Variants in WWTR1 observed in about 807,000 individuals in gnomAD.
WWTR1 encodes the protein WW domain containing transcription regulator 1, also known as WW domain-containing transcription regulator protein 1.
In WWTR1, 13 loss-of-function variants were observed where a neutral mutation model predicts 40.1. The ratio of observed to expected loss-of-function variants is 0.32; its 90% CI spans 0.21 to 0.52. The LOEUF (loss-of-function observed/expected upper bound fraction) is 0.52. WWTR1 is among the 20% of genes least tolerant of loss of function. WWTR1 has a pLI of 0.97. For synonymous variants in WWTR1, 230 were observed against 210.1 expected (o/e 1.09, Z -0.82); for missense variants, 436 against 523.1 (o/e 0.83, Z 1.63).
intron 2 of WWTR1, among the ~76,000 whole-genome samples, chr3:149,591,083 G>C (rs1738698093): frequency 6.6e-6 from 1 of 151,606 alleles, no homozygotes; most frequent in Admixed American, 6.6e-5. Context: ...AACAAATTAG[G>C]TCCATGTGAT....
At chr3:149,709,508 T>G (rs896822527) in intron 5 of WWTR1, among the ~76,000 whole-genome samples, 1 of 152,196 alleles carries the variant, frequency 6.6e-6, no homozygotes, top group Non-Finnish European at 1.5e-5. Context: ...CAGAGAACCA[T>G]CCATGCTAGG....
chr3:149,572,914 C>T lies in WWTR1; in HGVS notation c.518G>A (p.Ser173Asn). ...GGACCTCTGAGGCACTGGTGTGGAA[C>T]TGACGGCAGGGTGGAGGTTCATATG... The part of the protein sequence containing the change: ...LNHMNLHPAV[S>N]STPVPQRSMA... The change falls in exon 3 of 7, where the codon AGT becomes AAT. Residue 173 changes from serine (S) to asparagine (N), a missense_variant. By Grantham distance (46) the Ser-to-Asn change is conservative. Coordinates refer to ENST00000360632, the MANE Select transcript of WWTR1 (RefSeq NM_015472.6). The T allele has an allele frequency of 6.2e-7, 1 of 1,613,906 alleles. No homozygotes were observed. The highest frequency in any genetic ancestry group is 8.5e-7 in the Non-Finnish European group (1 of 1,179,976).
At chr3:149,689,380 C>CAAAAAAAAAAAAAAAAAAAAACAAAAAA in intron 1 of WWTR1, among the ~76,000 whole-genome samples, 1 of 36,696 alleles carries the variant, frequency 2.7e-5, no homozygotes, top group Non-Finnish European at 4.5e-5. Context: ...GAACCTATCT[C>CAAAAAAAAAAAAAAAAAAAAACAAAAAA]AAAAAAAAAA....
At position 149,652,091 on chromosome 3, in the gene WWTR1, C is replaced by T. The variant is rs375768628; in HGVS notation, c.431+4785G>A. 8.5e-3 allele frequency among the ~76,000 whole-genome samples: 1,274 copies of T among 150,728 alleles called. 14 individuals carry two copies. The highest frequency in any genetic ancestry group is 0.035 in the East Asian group (180 of 5,086). ...ATCTCCTGACCTCGTGATCCGCCCGCCTCGGCCTCCCAAAGTGCTGGGATT... is the reference window on the plus strand; with the variant it reads ...ATCTCCTGACCTCGTGATCCGCCCGTCTCGGCCTCCCAAAGTGCTGGGATT... On this transcript the variant is annotated intron_variant, in intron 2 of 6. Coordinates refer to ENST00000360632, the MANE Select transcript of WWTR1 (RefSeq NM_015472.6).
chr3:149,568,409 C>G (rs1324675785), intron 3 of WWTR1, among the ~76,000 whole-genome samples: 1 of 151,458 alleles, frequency 6.6e-6, no homozygotes, highest in Non-Finnish European at 1.5e-5. Flanking sequence ...GCTTAAAGGC[C>G]ATTACTCTGC....
chr3:149,688,807 A>G (rs1714730747), intron 1 of WWTR1, among the ~76,000 whole-genome samples: 1 of 152,252 alleles, frequency 6.6e-6, no homozygotes, highest in South Asian at 2.1e-4. Flanking sequence ...ATAAGAAACC[A>G]GTAACCAATC....
Position 149,521,446 on chromosome 3 carries a change from T to C in WWTR1, c.1019-457A>G, listed in dbSNP as rs368374447. ...AAAAAGTTGTCTTCATTGATGACTT[T>C]AGGCATCATTTATAAAGGCAGTTCT... is the stretch of plus-strand genomic sequence containing the variant. On this transcript the variant is annotated intron_variant, in intron 6 of 6. Coordinates refer to ENST00000360632, the MANE Select transcript of WWTR1 (RefSeq NM_015472.6). Among the ~76,000 whole-genome samples, 4 of 152,362 alleles carry C rather than the reference T, an allele frequency of 2.6e-5. No homozygotes were observed. In the South Asian group the frequency reaches 8.3e-4, roughly 32 times the overall value.
intron 2 of WWTR1, among the ~76,000 whole-genome samples, chr3:149,618,382 G>T (rs1031633979): frequency 2.0e-5 from 3 of 152,118 alleles, no homozygotes; most frequent in Non-Finnish European, 4.4e-5. Context: ...AACATCTCTC[G>T]AGCATCCATC....
rs969772751 is a variant in WWTR1, at chr3:149,541,161, A to C, written c.771+1174T>G. The C allele has an allele frequency of 1.0e-5, 4 of 392,102 alleles. No individual in the cohort carries two copies. In the East Asian group the frequency reaches 2.2e-4, roughly 22 times the overall value. 24.3% of individuals were successfully genotyped at this position (392,102 alleles called of 1,614,324 possible). A position where few individuals can be genotyped will look rare whatever the true frequency, so the allele number is the denominator to read the frequency against. On this transcript the variant is annotated intron_variant, in intron 4 of 6. Coordinates refer to ENST00000360632, the MANE Select transcript of WWTR1 (RefSeq NM_015472.6). The stretch of plus-strand genomic sequence containing the variant: ...AAAACAAAGTCTGAAAAGTTAAAAC[A>C]ATAAACTGAAGCTTTTCTCCCCAAA...
intron 1 of WWTR1, chr3:149,669,985 A>G (rs1714003768): frequency 6.6e-6 from 1 of 152,260 alleles, no homozygotes; most frequent in South Asian, 2.1e-4. Context: ...GGAGGGTAGG[A>G]AGGAGGGCTG....
At chr3:149,592,039 A>G (rs1560075441) in intron 2 of WWTR1, among the ~76,000 whole-genome samples, 1 of 152,200 alleles carries the variant, frequency 6.6e-6, no homozygotes, top group Admixed American at 6.5e-5. Context: ...CCAGACTGTG[A>G]GGAGACACAG....
At chr3:149,526,709 A>T (rs1416818211) in intron 5 of WWTR1, among the ~76,000 whole-genome samples, 1 of 152,262 alleles carries the variant, frequency 6.6e-6, no homozygotes, top group Non-Finnish European at 1.5e-5. Context: ...ATACTTTAAA[A>T]TCAACAATTT....
At chr3:149,546,274 G>T (rs1736360510) in intron 3 of WWTR1, among the ~76,000 whole-genome samples, 1 of 152,228 alleles carries the variant, frequency 6.6e-6, no homozygotes, top group Non-Finnish European at 1.5e-5. Flanking sequence ...TCAAAGTAAA[G>T]CACATATCAA....
intron 2 of WWTR1, among the ~76,000 whole-genome samples, chr3:149,635,331 T>C (rs1417983466): frequency 2.0e-5 from 3 of 152,218 alleles, no homozygotes; most frequent in Non-Finnish European, 4.4e-5. Flanking sequence ...ATTAGGTCTT[T>C]GAGATGAGGT....
At chr3:149,621,893 A>T (rs1429354387) in intron 2 of WWTR1, among the ~76,000 whole-genome samples, 1 of 152,218 alleles carries the variant, frequency 6.6e-6, no homozygotes, top group South Asian at 2.1e-4. Context: ...CTTTGCCACC[A>T]TAAGGATGTC....
chr3:149,551,495 T>C (rs1355866997), intron 3 of WWTR1, among the ~76,000 whole-genome samples: 1 of 145,724 alleles, frequency 6.9e-6, no homozygotes, highest in Non-Finnish European at 1.5e-5. Context: ...CATATAAACT[T>C]CATCAGAAAC....
intron 1 of WWTR1, 173 bp from the exon 2 acceptor site, chr3:149,657,482 T>TG: frequency 1.3e-6 from 1 of 752,410 alleles, no homozygotes; most frequent in Non-Finnish European, 2.1e-6. Context: ...ACCAGCAGGA[T>TG]GGGGGAGGGG....
At chr3:149,560,989 T>A (rs1025580842) in intron 3 of WWTR1, among the ~76,000 whole-genome samples, 2 of 150,434 alleles carry the variant, frequency 1.3e-5, no homozygotes, top group African/African-American at 4.9e-5. Flanking sequence ...TGCTCCAGGA[T>A]CTTTAGACAA....
intron 4 of WWTR1, among the ~76,000 whole-genome samples, chr3:149,720,409 A>G (rs1715727197): frequency 6.6e-6 from 1 of 152,114 alleles, no homozygotes; most frequent in Non-Finnish European, 1.5e-5. Context: ...TGGTTCCCTT[A>G]CCAAAAATCA....
Sources: gnomAD v4.1 joint callset for allele counts (sites outside exome capture counted in the v4.1 genomes callset) on GRCh38, gnomAD v4.1.1 for gene constraint, MANE v1.5 for transcripts, NCBI Gene and HGNC (gene_info 2026-07-23, HGNC 2026-07-21) for gene names.